Variants in DCHS2 observed in about 807,000 individuals in gnomAD.
The protein encoded by DCHS2 is protocadherin-23.
DCHS2 carries 142 observed loss-of-function variants against 182.4 expected under a neutral mutation model. The observed-to-expected ratio is 0.78, with a 90% CI of 0.68 to 0.89. The LOEUF is 0.89. DCHS2 is among the 40% of genes least tolerant of loss of function. The pLI is 0.00. For synonymous variants in DCHS2, 1,740 were observed against 1,663.3 expected, an observed-to-expected ratio of 1.05 and a Z score of -1.12; for missense variants, 4,319 against 4,198.6, an observed-to-expected ratio of 1.03 and a Z score of -0.79.
intron 1 of DCHS2, among the ~76,000 whole-genome samples, chr4:154,462,486 T>C (rs193106126): frequency 6.6e-6 from 1 of 152,110 alleles, no homozygotes; most frequent in East Asian, 1.9e-4. Flanking sequence ...AAACTGAGGG[T>C]CTGAAAAATA....
At chr4:154,435,672 A>G (rs192714015) in intron 1 of DCHS2, among the ~76,000 whole-genome samples, 1 of 152,302 alleles carries the variant, frequency 6.6e-6, no homozygotes, top group East Asian at 1.9e-4. Flanking sequence ...CAATAAAAAA[A>G]GGGTACAGAT....
At chr4:154,336,679 TC>T in intron 3 of DCHS2, among the ~76,000 whole-genome samples, 1 of 152,332 alleles carries the variant, frequency 6.6e-6, no homozygotes, top group South Asian at 2.1e-4. Context: ...TTTACTGAAA[TC>T]AAATATCTTG....
At chr4:154,317,561 A>G (rs2111328517) in intron 9 of DCHS2, among the ~76,000 whole-genome samples, 1 of 152,354 alleles carries the variant, frequency 6.6e-6, no homozygotes, top group Middle Eastern at 3.4e-3. Context: ...TAATGCTTTT[A>G]ACTAACAGTT....
At position 154,489,595 on chromosome 4, in the gene DCHS2, G is replaced by T; in HGVS notation, c.1761C>A (p.Cys587Ter). Residue 587 changes from cysteine to a stop codon, truncating the protein, a stop_gained, in exon 1 of 20, where the codon TGC becomes TGA. Coordinates refer to ENST00000357232, the MANE Select transcript of DCHS2 (RefSeq NM_001358235.2). LOFTEE classifies it high-confidence loss of function. ...RYTVVQLSAP[C>*]NLGSLQSKMV... ...TCTTTGATTGCAGGGAGCCGAGATT[G>T]CAGGGAGCCGAGAGTTGGACTACAG... is the stretch of plus-strand genomic sequence containing the variant. 1.9e-6 allele frequency: 3 copies of T among 1,550,800 alleles called. No individual in the cohort carries two copies. The highest frequency in any genetic ancestry group is 1.7e-4 in the Middle Eastern group (1 of 5,990).
intron 13 of DCHS2, among the ~76,000 whole-genome samples, chr4:154,282,807 C>G (rs1270554508): frequency 6.6e-6 from 1 of 151,858 alleles, no homozygotes; most frequent in Non-Finnish European, 1.5e-5. Flanking sequence ...AATGGATAGC[C>G]AAAACGTAGT....
rs72723394 is a variant in DCHS2 at position 154,414,535 on chromosome 4, C to A, written c.2053-37091G>T. Reference sequence around the variant, plus strand: ...TTGGCCAAGGGACATATGATAACTGCCAAAAATTAGGCCGTAATTCAAGAA... The same window carrying A: ...TTGGCCAAGGGACATATGATAACTGACAAAAATTAGGCCGTAATTCAAGAA... On this transcript the variant is annotated intron_variant, in intron 1 of 19. Coordinates refer to ENST00000357232, the MANE Select transcript of DCHS2 (RefSeq NM_001358235.2). Among the ~76,000 whole-genome samples, 446 of 130,334 alleles carry A rather than the reference C, an allele frequency of 3.4e-3. 1 individual carries two copies. Among genetic ancestry groups the A allele is most frequent in the Non-Finnish European group, 5.4e-3 (350 of 64,558 alleles). The allele number at this position is 130,334 out of a possible 152,430, so 85.5% of individuals were successfully genotyped here.
chr4:154,305,076 C>T, intron 11 of DCHS2, 21 bp downstream of exon 11: 2 of 1,577,616 alleles, frequency 1.3e-6, no homozygotes, highest in Non-Finnish European at 8.6e-7. Context: ...TATTTTTTAG[C>T]CTACTCAAAG....
chr4:154,489,803 G>A lies in DCHS2; in HGVS notation c.1553C>T (p.Pro518Leu), dbSNP rs1560789162. Residue 518 changes from proline (P) to leucine (L), a missense_variant, in exon 1 of 20, where the codon CCG becomes CTG. By Grantham distance (98) the Pro-to-Leu change is moderately conservative. Transcript: ENST00000357232. ...LLVATDAGSP[P>L]LSTEETLLLR... Reference sequence around the variant, plus strand: ...TAGCAGCGTCTCCTCCGTGCTCAGCGGCGGGGACCCCGCGTCCGTGGCCAC... The same window carrying A: ...TAGCAGCGTCTCCTCCGTGCTCAGCAGCGGGGACCCCGCGTCCGTGGCCAC... The A allele has an allele frequency of 6.4e-7, 1 of 1,551,468 alleles. No homozygotes were observed. Among genetic ancestry groups the A allele is most frequent in the African/African-American group, 1.4e-5 (1 of 73,036 alleles).
At chr4:154,389,065 T>C (rs1349542994) in intron 1 of DCHS2, among the ~76,000 whole-genome samples, 1 of 152,148 alleles carries the variant, frequency 6.6e-6, no homozygotes, top group East Asian at 1.9e-4. Flanking sequence ...AAAGTCTCTG[T>C]TACAACTACT....
rs1332743266 is a variant in DCHS2 at position 154,298,350 on chromosome 4, T to C, written c.5964A>G (p.Thr1988=). ...GGTCGAGGGTGTTGCTGGTTTTCAA[T>C]GTGCCTGACATAGGATCAATGGTGA... ...GAFTIDPMSG[T]LKTSNTLDRE... The change falls in exon 13 of 20, where the codon ACA becomes ACG. Residue 1988 remains threonine, a synonymous_variant. Coordinates refer to ENST00000357232, the MANE Select transcript of DCHS2 (RefSeq NM_001358235.2). 1 of 1,614,056 alleles carries C rather than the reference T, an allele frequency of 6.2e-7. No homozygotes were observed. The highest frequency in any genetic ancestry group is 2.2e-5 in the East Asian group (1 of 44,890).
At chr4:154,384,366 A>C in intron 1 of DCHS2, 1 of 1,611,968 alleles carries the variant, frequency 6.2e-7, no homozygotes, top group South Asian at 1.1e-5. Flanking sequence ...GACTGACCTC[A>C]CCTCAGTTTC....
chr4:154,302,222 A>G (rs72617461), intron 12 of DCHS2, among the ~76,000 whole-genome samples: 3,843 of 152,320 alleles, frequency 0.025, 279 homozygotes, highest in Admixed American at 0.16. Context: ...ATTGAAAAAA[A>G]CTTAAGTAAA....
chr4:154,234,022 C>T lies in DCHS2; in HGVS notation c.*514G>A, dbSNP rs953304131. ...GTATATGGGGAAAAATGGAGAAATA[C>T]TCCTCTAAATATATCAGATCCACCA... On this transcript the variant is annotated 3_prime_UTR_variant, in exon 20 of 20. Transcript: ENST00000357232. 4 of 152,102 alleles carry T rather than the reference C, an allele frequency of 2.6e-5. No individual in the cohort carries two copies. The highest frequency in any genetic ancestry group is 9.7e-5 in the African/African-American group (4 of 41,422). The allele number at this position is 152,102 out of a possible 1,614,324, so 9.4% of individuals were successfully genotyped here.
chr4:154,340,795 C>A (rs578051045), intron 3 of DCHS2, among the ~76,000 whole-genome samples: 2 of 152,116 alleles, frequency 1.3e-5, no homozygotes, highest in Non-Finnish European at 1.5e-5. Context: ...ACAAATGTAA[C>A]CTTTTCAAGA....
chr4:154,433,562 T>C (rs1387045319), intron 1 of DCHS2, among the ~76,000 whole-genome samples: 1 of 151,868 alleles, frequency 6.6e-6, no homozygotes, highest in African/African-American at 2.4e-5. Context: ...GCCCGGCTAA[T>C]TTATGTATTT....
At position 154,236,132 on chromosome 4, in the gene DCHS2, AAGGATTTGCTTAGC is replaced by A; in HGVS notation, c.8506_8519del (p.Ala2836Ter). Reference sequence around the variant, plus strand: ...AGTATTTATTGCCATTTTCATAGTCAAGGATTTGCTTAGCATGAATATCCCCTGTCAAAGGGTCA... The same window carrying A: ...AGTATTTATTGCCATTTTCATAGTCAATGAATATCCCCTGTCAAAGGGTCA... On this transcript the variant is annotated frameshift_variant, in exon 20 of 20. Transcript: ENST00000357232. LOFTEE classifies it low-confidence loss of function (END_TRUNC). 6.2e-7 allele frequency: 1 copy of A among 1,613,788 alleles called. No individual in the cohort carries two copies. The highest frequency in any genetic ancestry group is 1.1e-5 in the South Asian group (1 of 91,078).
At chr4:154,263,159 A>G (rs2111181814) in intron 14 of DCHS2, among the ~76,000 whole-genome samples, 1 of 152,294 alleles carries the variant, frequency 6.6e-6, no homozygotes, top group East Asian at 1.9e-4. Flanking sequence ...TCAGTCTCAC[A>G]TTTTAAGTGG....
At position 154,236,549 on chromosome 4, in the gene DCHS2, G is replaced by C. The variant is rs755790581; in HGVS notation, c.8103C>G (p.Ile2701Met). 6.2e-7 allele frequency: 1 copy of C among 1,613,994 alleles called. No homozygotes were observed. Among genetic ancestry groups the C allele is most frequent in the South Asian group, 1.1e-5 (1 of 91,072 alleles). The part of the protein sequence containing the change: ...DRDTGSHAEI[I>M]YNIISGNEKG... The stretch of plus-strand genomic sequence containing the variant: ...TCTCATTTCCAGAGATGATGTTGTA[G>C]ATGATTTCTGCATGTGACCCTGTGT... Residue 2701 changes from isoleucine to methionine, a missense_variant, in exon 20 of 20, where the codon ATC becomes ATG. By Grantham distance (10) the Ile-to-Met change is conservative. Transcript: ENST00000357232.
intron 2 of DCHS2, among the ~76,000 whole-genome samples, chr4:154,367,807 G>C (rs1034966059): frequency 5.9e-5 from 9 of 152,154 alleles, no homozygotes. Context: ...GCAAGGGACA[G>C]AGGGAGAACT....
Sources: gnomAD v4.1 joint callset for allele counts (sites outside exome capture counted in the v4.1 genomes callset) on GRCh38, gnomAD v4.1.1 for gene constraint, MANE v1.5 for transcripts, NCBI Gene and HGNC (gene_info 2026-07-23, HGNC 2026-07-21) for gene names.